Variants in SEMA3A observed in about 807,000 individuals in gnomAD.
The protein encoded by SEMA3A is semaphorin-3A.
Under a neutral mutation model 97.9 loss-of-function variants are expected in SEMA3A, and 29 were observed. The observed-to-expected ratio is 0.30, with a 90% CI of 0.22 to 0.40. The LOEUF (loss-of-function observed/expected upper bound fraction) is 0.40, where lower values mean the gene tolerates loss of function less well. Among genes scored for constraint, SEMA3A ranks in the 10% least tolerant of loss-of-function variants. The pLI, the probability that SEMA3A is intolerant of heterozygous loss-of-function variation, is 1.00. For synonymous variants in SEMA3A, 321 were observed against 323.7 expected (o/e 0.99, Z 0.09); for missense variants, 763 against 951.3 (o/e 0.80, Z 2.60).
chr7:84,272,939 A>G (rs1800189082), intron 3 of SEMA3A, among the ~76,000 whole-genome samples: 1 of 152,110 alleles, frequency 6.6e-6, no homozygotes. Flanking sequence ...TTCCTACATT[A>G]TACTTTTGAG....
chr7:84,058,653 G>T (rs1475784093), intron 5 of SEMA3A, among the ~76,000 whole-genome samples: 1 of 152,016 alleles, frequency 6.6e-6, no homozygotes, highest in Admixed American at 6.6e-5. Context: ...ATTTGGTCTT[G>T]TCAATAAGCG....
In SEMA3A at chr7:83,958,225, A is replaced by T. The variant is rs1788340552; in HGVS notation, c.*3146T>A. 6.6e-6 allele frequency: 1 copy of T among 152,486 alleles called. No homozygotes were observed. The highest frequency in any genetic ancestry group is 1.5e-5 in the Non-Finnish European group (1 of 67,972). The allele number at this position is 152,486 out of a possible 1,614,324, so 9.4% of individuals were successfully genotyped here. ...TAGAACCCAGTTTACAGATGACTAC[A>T]ATGAAGAAATCTGTTAGCTAATTAT... On this transcript the variant is annotated 3_prime_UTR_variant, in exon 17 of 17. Coordinates refer to ENST00000265362, the MANE Select transcript of SEMA3A (RefSeq NM_006080.3).
intron 1 of SEMA3A, among the ~76,000 whole-genome samples, chr7:84,426,820 T>A (rs1022243398): frequency 1.3e-5 from 2 of 152,158 alleles, no homozygotes; most frequent in Non-Finnish European, 2.9e-5. Flanking sequence ...TGTTTCATAA[T>A]CAGACTTATA....
intron 3 of SEMA3A, among the ~76,000 whole-genome samples, chr7:84,266,043 G>C (rs1052551990): frequency 2.6e-5 from 4 of 152,016 alleles, no homozygotes; most frequent in African/African-American, 4.8e-5. Flanking sequence ...TTCTAGCTGG[G>C]CATGGTAGCT....
At chr7:84,161,043 A>C (rs1797015390) in intron 1 of SEMA3A, among the ~76,000 whole-genome samples, 2 of 152,066 alleles carry the variant, frequency 1.3e-5, no homozygotes, top group South Asian at 4.1e-4. Context: ...TTGCATGAGT[A>C]GAAGAGGATA....
intron 1 of SEMA3A, among the ~76,000 whole-genome samples, chr7:84,421,728 G>T (rs1010753979): frequency 2.0e-5 from 3 of 151,996 alleles, no homozygotes; most frequent in Non-Finnish European, 2.9e-5. Flanking sequence ...TAGCATGAAG[G>T]GGTGTTGAAT....
At chr7:84,270,335 C>A (rs1584188586) in intron 3 of SEMA3A, among the ~76,000 whole-genome samples, 1 of 151,872 alleles carries the variant, frequency 6.6e-6, no homozygotes, top group Non-Finnish European at 1.5e-5. Flanking sequence ...ACATCTCAGA[C>A]CTTTATTTAC....
intron 1 of SEMA3A, among the ~76,000 whole-genome samples, chr7:84,430,789 T>TTGTGTGTGTGTGTGTGTGTG (rs56814153): frequency 1.4e-5 from 2 of 143,434 alleles, no homozygotes; most frequent in African/African-American, 5.0e-5. Flanking sequence ...AACATAAAAT[T>TTGTGTGTGTGTGTGTGTGTG]TGTGTGTGTG....
At chr7:84,300,001 C>A (rs1427860570) in intron 3 of SEMA3A, among the ~76,000 whole-genome samples, 1 of 136,612 alleles carries the variant, frequency 7.3e-6, no homozygotes. Flanking sequence ...CATTGCACTC[C>A]AGCCTGGGTG....
At chr7:84,479,898 C>A (rs907772531) in intron 1 of SEMA3A, among the ~76,000 whole-genome samples, 1 of 152,124 alleles carries the variant, frequency 6.6e-6, no homozygotes, top group South Asian at 2.1e-4. Context: ...GCAGCGACAA[C>A]AACAACAACA....
chr7:84,043,037 T>C (rs1016010305), intron 6 of SEMA3A, among the ~76,000 whole-genome samples: 4 of 152,162 alleles, frequency 2.6e-5, no homozygotes, highest in Admixed American at 2.0e-4. Flanking sequence ...AGAGAATTTA[T>C]GTAGTACAAG....
intron 4 of SEMA3A, among the ~76,000 whole-genome samples, chr7:84,062,006 T>C (rs1461960927): frequency 6.6e-6 from 1 of 152,202 alleles, no homozygotes; most frequent in Non-Finnish European, 1.5e-5. Flanking sequence ...TTCATATCTC[T>C]GAGCCTCTGG....
At chr7:84,002,758 T>TAAC (rs1790512484) in intron 11 of SEMA3A, among the ~76,000 whole-genome samples, 1 of 152,130 alleles carries the variant, frequency 6.6e-6, no homozygotes, top group Non-Finnish European at 1.5e-5. Flanking sequence ...TAAGGAAATT[T>TAAC]AACATTCAGA....
chr7:84,109,427 T>A (rs1047777371), intron 4 of SEMA3A, among the ~76,000 whole-genome samples: 11 of 152,132 alleles, frequency 7.2e-5, no homozygotes, highest in African/African-American at 2.7e-4. Context: ...CCCTGGTTCA[T>A]CAAGAAGAAA....
intron 3 of SEMA3A, among the ~76,000 whole-genome samples, chr7:84,300,051 A>T (rs994044337): frequency 1.4e-4 from 21 of 147,166 alleles, no homozygotes; most frequent in Non-Finnish European, 2.9e-4. Context: ...AAAAAAAAAA[A>T]GAAAGAAAAA....
intron 4 of SEMA3A, among the ~76,000 whole-genome samples, chr7:84,092,597 T>C (rs1331930640): frequency 6.6e-6 from 1 of 152,112 alleles, no homozygotes; most frequent in Non-Finnish European, 1.5e-5. Flanking sequence ...ATTCAGAATA[T>C]CGAAGTTTGC....
chr7:83,981,616 T>C, intron 13 of SEMA3A, 138 bp from the exon 14 acceptor site: 1 of 713,042 alleles, frequency 1.4e-6, no homozygotes, highest in Middle Eastern at 4.2e-4. Context: ...TATTGCTAAT[T>C]TCTTTAAAGG....
intron 1 of SEMA3A, among the ~76,000 whole-genome samples, chr7:84,404,041 G>A (rs922651913): frequency 2.0e-5 from 3 of 152,174 alleles, no homozygotes; most frequent in African/African-American, 4.8e-5. Context: ...AAAGCTGGAC[G>A]GAGAACGACT....
intron 2 of SEMA3A, among the ~76,000 whole-genome samples, chr7:84,331,880 G>C (rs1801918779): frequency 6.6e-6 from 1 of 152,034 alleles, no homozygotes; most frequent in Admixed American, 6.6e-5. Flanking sequence ...ATAGAAATGT[G>C]GATGAGAGCC....
Sources: allele counts gnomAD v4.1 joint callset (sites outside exome capture counted in the v4.1 genomes callset), GRCh38; gene constraint gnomAD v4.1.1; transcripts MANE v1.5; gene names NCBI Gene and HGNC (gene_info 2026-07-23, HGNC 2026-07-21).